Variants in ANKRD17 observed in about 807,000 individuals in gnomAD.
The protein encoded by ANKRD17 is ankyrin repeat domain-containing protein 17.
A neutral mutation model predicts 229.7 loss-of-function variants in ANKRD17; 19 were observed. The observed-to-expected ratio is 0.08, with a 90% CI of 0.06 to 0.12. The LOEUF is 0.12. Ranked by LOEUF, ANKRD17 falls within the 10% of genes least tolerant of loss-of-function variation. ANKRD17 has a pLI of 1.00. For synonymous variants in ANKRD17, 1,112 were observed against 1,146.1 expected, an observed-to-expected ratio of 0.97 and a Z score of 0.60; for missense variants, 2,176 against 3,176.8, an observed-to-expected ratio of 0.68 and a Z score of 7.57.
At chr4:73,257,547 T>C (rs1380903855) in intron 1 of ANKRD17, among the ~76,000 whole-genome samples, 1 of 152,232 alleles carries the variant, frequency 6.6e-6, no homozygotes, top group African/African-American at 2.4e-5. Context: ...TGTATGTATG[T>C]ACGTGTAAGG....
At chr4:73,196,654 T>A (rs1002138230) in intron 1 of ANKRD17, among the ~76,000 whole-genome samples, 1 of 152,212 alleles carries the variant, frequency 6.6e-6, no homozygotes, top group Non-Finnish European at 1.5e-5. Context: ...GAGTATTCTT[T>A]TCTGTTGGAT....
chr4:73,140,068 C>G lies in ANKRD17; in HGVS notation c.2548G>C (p.Glu850Gln). The G allele has an allele frequency of 6.2e-7, 1 of 1,614,148 alleles. No homozygotes were observed. The highest frequency in any genetic ancestry group is 8.5e-7 in the Non-Finnish European group (1 of 1,180,020). The change falls in exon 15 of 34, where the codon GAG becomes CAG. Residue 850 changes from glutamate (E) to glutamine (Q), a missense_variant. Around this residue, in one of 18 missense-constraint regions of ANKRD17, gnomAD observed 275 missense variants for 386.9 expected, o/e 0.71. Coordinates refer to ENST00000358602, the MANE Select transcript of ANKRD17 (RefSeq NM_032217.5). ...TGTTCCTCCCTTGTTTTGTTGAGCT[C>G]CTCGATCTTCTCCTTGGTAAGTTGG... Reference protein sequence around the residue: ...ADQLTKEKIEELNKTREEQIQ... With the variant: ...ADQLTKEKIEQLNKTREEQIQ...
At chr4:73,190,137 G>C (rs1322890743) in intron 1 of ANKRD17, among the ~76,000 whole-genome samples, 6 of 152,134 alleles carry the variant, frequency 3.9e-5, no homozygotes, top group Non-Finnish European at 8.8e-5. Flanking sequence ...GGGAGGCTGA[G>C]GCTGGCAGAT....
In ANKRD17 at chr4:73,097,260, A is replaced by C. The variant is rs1723403680; in HGVS notation, c.5034T>G (p.Thr1678=). 2 of 1,571,874 alleles carry C rather than the reference A, an allele frequency of 1.3e-6. No homozygotes were observed. The highest frequency in any genetic ancestry group is 1.7e-6 in the Non-Finnish European group (2 of 1,164,888). Residue 1678 remains threonine (T), a synonymous_variant, in exon 27 of 34, where the codon ACT becomes ACG. Coordinates refer to ENST00000358602, the MANE Select transcript of ANKRD17 (RefSeq NM_032217.5). The part of the protein sequence containing the change: ...SGKASIKLSE[T]ISEGTSNSLS... The stretch of plus-strand genomic sequence containing the variant: ...GAGAATTACTGGTCCCTTCACTGAT[A>C]GTTTCTGACAATCTTTAACAAAGAG...
At chr4:73,226,622 T>A (rs531160922) in intron 1 of ANKRD17, among the ~76,000 whole-genome samples, 1 of 151,996 alleles carries the variant, frequency 6.6e-6, no homozygotes, top group African/African-American at 2.4e-5. Context: ...CTTGAATTCC[T>A]GACCTCGTAA....
In ANKRD17 at chr4:73,139,795, G is replaced by A; in HGVS notation, c.2821C>T (p.Pro941Ser). 1 of 1,614,198 alleles carries A rather than the reference G, an allele frequency of 6.2e-7. No individual in the cohort carries two copies. The highest frequency in any genetic ancestry group is 8.5e-7 in the Non-Finnish European group (1 of 1,180,042). The change falls in exon 15 of 34, where the codon CCC (proline) becomes TCC (serine). Residue 941 changes from proline (P) to serine (S), a missense_variant. Pro to Ser is a moderately conservative substitution (Grantham distance 74). Transcript: ENST00000358602. ...QVDPVLLKDE[P>S]QQTAAQMGFA... ...CCCATCTGAGCAGCAGTCTGCTGGG[G>A]TTCATCTTTAAGTAAAACAGGATCC...
At chr4:73,132,211 T>G (rs1289436265) in intron 16 of ANKRD17, among the ~76,000 whole-genome samples, 1 of 151,610 alleles carries the variant, frequency 6.6e-6, no homozygotes, top group Non-Finnish European at 1.5e-5. Flanking sequence ...TGGGTTCAAG[T>G]GCTTCTCCTG....
Position 73,097,275 on chromosome 4 carries a change from TTAAC to T in ANKRD17, c.5022-7_5022-4del. 6.4e-7 allele frequency: 1 copy of T among 1,566,902 alleles called. No homozygotes were observed. The highest frequency in any genetic ancestry group is 1.2e-5 in the South Asian group (1 of 81,758). On this transcript the variant is annotated splice_region_variant and splice_polypyrimidine_tract_variant and intron_variant, in intron 26 of 33. Transcript: ENST00000358602. ...CTTCACTGATAGTTTCTGACAATCT[TTAAC>T]AAAGAGAGGGAAAGTACATTAAATA...
At chr4:73,109,217 T>A (rs1725002325) in intron 24 of ANKRD17, among the ~76,000 whole-genome samples, 1 of 152,048 alleles carries the variant, frequency 6.6e-6, no homozygotes, top group Admixed American at 6.5e-5. Context: ...GAAGGATCAC[T>A]TCAACCTGTG....
chr4:73,125,077 C>A lies in ANKRD17; in HGVS notation c.3347-19G>T. ...GTAAAACCTGGAGAAAAATAATGAT[C>A]TTCTCACTACATGCTAAGGCAAAAG... On this transcript the variant is annotated intron_variant, in intron 17 of 33. Coordinates refer to ENST00000358602, the MANE Select transcript of ANKRD17 (RefSeq NM_032217.5). 4.3e-6 allele frequency: 7 copies of A among 1,613,624 alleles called. No individual in the cohort carries two copies. Among genetic ancestry groups the A allele is most frequent in the Non-Finnish European group, 5.1e-6 (6 of 1,179,672 alleles).
chr4:73,257,944 T>A (rs1745609661), intron 1 of ANKRD17, among the ~76,000 whole-genome samples: 1 of 151,992 alleles, frequency 6.6e-6, no homozygotes, highest in Non-Finnish European at 1.5e-5. Context: ...GTGGCCCTAC[T>A]GGCCCCAGGC....
In ANKRD17 at chr4:73,155,840, C is replaced by T. The variant is rs553862824; in HGVS notation, c.853-62G>A. ...AATAATCGTCAAAAAATTTTGAACA[C>T]GTATTTATATAACGTCTACCTAGTC... On this transcript the variant is annotated intron_variant, in intron 4 of 33. Coordinates refer to ENST00000358602, the MANE Select transcript of ANKRD17 (RefSeq NM_032217.5). 9.2e-5 allele frequency: 144 copies of T among 1,571,188 alleles called. No individual in the cohort carries two copies. In the South Asian group the frequency reaches 9.7e-4, roughly 11 times the overall value.
At chr4:73,164,888 G>C (rs368013881) in intron 2 of ANKRD17, among the ~76,000 whole-genome samples, 1 of 149,600 alleles carries the variant, frequency 6.7e-6, no homozygotes, top group East Asian at 1.9e-4. Context: ...TTCAGATAGA[G>C]GGCACATTAA....
Position 73,217,173 on chromosome 4 carries a change from G to C in ANKRD17, c.394-39640C>G, listed in dbSNP as rs146759921. 1.4e-4 allele frequency among the ~76,000 whole-genome samples: 21 copies of C among 152,288 alleles called. No homozygotes were observed. In the East Asian group the frequency reaches 3.3e-3, roughly 24 times the overall value. Reference sequence around the variant, plus strand: ...ATTACCAGACTACGATGGATCAGTGGGAAACTAGTGGTTCATTGGACAACC... The same window carrying C: ...ATTACCAGACTACGATGGATCAGTGCGAAACTAGTGGTTCATTGGACAACC... On this transcript the variant is annotated intron_variant, in intron 1 of 33. Transcript: ENST00000358602.
intron 15 of ANKRD17, among the ~76,000 whole-genome samples, chr4:73,137,009 T>C (rs1052160610): frequency 7.0e-6 from 1 of 142,154 alleles, no homozygotes; most frequent in African/African-American, 2.6e-5. Flanking sequence ...TTAAGTCAAA[T>C]TGGTTGTTCT....
chr4:73,086,165 T>C (rs1722101050), intron 29 of ANKRD17, among the ~76,000 whole-genome samples: 1 of 152,382 alleles, frequency 6.6e-6, no homozygotes, highest in South Asian at 2.1e-4. Context: ...TTCCTTTACA[T>C]GGGCTTTCTG....
In ANKRD17 at chr4:73,074,651, T is replaced by C. The variant is rs1350042495; in HGVS notation, c.*1580A>G. ...TCTTTACTCAGATGGAAGAAATCAT[T>C]TGATTTACTTGACAACCAAGGAACC... On this transcript the variant is annotated 3_prime_UTR_variant, in exon 34 of 34. Transcript: ENST00000358602. 1 of 151,998 alleles carries C rather than the reference T, an allele frequency of 6.6e-6. No homozygotes were observed. Among genetic ancestry groups the C allele is most frequent in the African/African-American group, 2.4e-5 (1 of 41,434 alleles). The allele number at this position is 151,998 out of a possible 1,614,324, so 9.4% of individuals were successfully genotyped here.
At chr4:73,239,504 A>G (rs1288279278) in intron 1 of ANKRD17, among the ~76,000 whole-genome samples, 2 of 152,202 alleles carry the variant, frequency 1.3e-5, no homozygotes, top group Admixed American at 6.5e-5. Context: ...TCTATGATGG[A>G]ATATTAATTT....
chr4:73,199,990 G>A (rs1158694795), intron 1 of ANKRD17, among the ~76,000 whole-genome samples: 1 of 152,034 alleles, frequency 6.6e-6, no homozygotes, highest in East Asian at 1.9e-4. Flanking sequence ...AAGCAAAAAA[G>A]GAAACACAGA....
Sources: gnomAD v4.1 joint callset for allele counts (sites outside exome capture counted in the v4.1 genomes callset) on GRCh38, gnomAD v4.1.1 for gene constraint, gnomAD v4.1.1 regional missense constraint, MANE v1.5 for transcripts, NCBI Gene and HGNC (gene_info 2026-07-23, HGNC 2026-07-21) for gene names.